ITPR1: variants seen among roughly 807,000 people sequenced by gnomAD.
ITPR1 encodes inositol 1,4,5-trisphosphate receptor type 1.
Under a neutral mutation model 318.4 loss-of-function variants are expected in ITPR1, and 96 were observed. The observed-to-expected ratio is 0.30, with a 90% CI of 0.26 to 0.36. ITPR1 has a LOEUF of 0.36. ITPR1 is among the 10% of genes least tolerant of loss of function. The pLI, the probability that ITPR1 is intolerant of heterozygous loss-of-function variation, is 1.00. For missense variants in ITPR1, 2,440 were observed against 3,460.2 expected (o/e 0.71, Z 7.40); for synonymous variants, 1,312 against 1,289.9 (o/e 1.02, Z -0.37).
chr3:4,772,779 G>T (rs2046264244), intron 46 of ITPR1, among the ~76,000 whole-genome samples: 1 of 152,252 alleles, frequency 6.6e-6, no homozygotes, highest in African/African-American at 2.4e-5. Context: ...GTGCCTCGTA[G>T]TGAGTGGTGT....
At chr3:4,814,374 C>T in intron 57 of ITPR1, 49 bp from the exon 58 acceptor site, 1 of 1,606,076 alleles carries the variant, frequency 6.2e-7, no homozygotes, top group South Asian at 1.1e-5. Flanking sequence ...ATCCCGGTCT[C>T]TCTTTTCTCC....
Position 4,725,534 on chromosome 3 carries a change from A to G in ITPR1, c.5137-12A>G. On this transcript the variant is annotated splice_polypyrimidine_tract_variant and intron_variant, in intron 40 of 61. Transcript: ENST00000649015. ...TGCCATGACTAACGTACTTCGTTTT[A>G]CTCCCAATTAGCTTCCTCCAGCTCC... The G allele has an allele frequency of 6.3e-7, 1 of 1,597,214 alleles. No individual in the cohort carries two copies. Among genetic ancestry groups the G allele is most frequent in the Non-Finnish European group, 8.5e-7 (1 of 1,178,696 alleles).
intron 4 of ITPR1, among the ~76,000 whole-genome samples, chr3:4,526,341 C>T (rs893750779): frequency 6.6e-6 from 1 of 152,204 alleles, no homozygotes; most frequent in African/African-American, 2.4e-5. Context: ...ATCAGACAGA[C>T]TGAATATGTG....
rs1268024981 is a variant in ITPR1 at position 4,650,636 on chromosome 3, TGTGTGTGTGCGC to T, written c.856-1485_856-1474del. ...GTGTGTGTGTGTGTGTGTGTGTGTGTGTGTGTGTGCGCGCGTCTGTCTGTGTCTGTGTGTTTA... is the reference window on the plus strand; with the variant it reads ...GTGTGTGTGTGTGTGTGTGTGTGTGTGCGTCTGTCTGTGTCTGTGTGTTTA... On this transcript the variant is annotated intron_variant, in intron 10 of 61. Transcript: ENST00000649015. Among the ~76,000 whole-genome samples the T allele has an allele frequency of 3.8e-3, 531 of 140,632 alleles. 6 individuals carry two copies. Among genetic ancestry groups the T allele is most frequent in the African/African-American group, 0.013 (451 of 35,074 alleles). The allele number at this position is 140,632 out of a possible 152,430, so 92.3% of individuals were successfully genotyped here.
In ITPR1 at chr3:4,816,007, C is replaced by T. The variant is rs900164631; in HGVS notation, c.7867+789C>T. On this transcript the variant is annotated intron_variant, in intron 59 of 61. Coordinates refer to ENST00000649015, the MANE Select transcript of ITPR1 (RefSeq NM_001378452.1). ...TTATACACACACACACACACACACA[C>T]ACACACACATTTTCTAATGTGAGTG... 2.6e-5 allele frequency among the ~76,000 whole-genome samples: 4 copies of T among 151,850 alleles called. No homozygotes were observed. The South Asian group carries it at 6.2e-4, about 24-fold the overall frequency.
chr3:4,827,668 G>T (rs2050165825), intron 60 of ITPR1, among the ~76,000 whole-genome samples: 1 of 152,158 alleles, frequency 6.6e-6, no homozygotes, highest in Admixed American at 6.5e-5. Flanking sequence ...GCCCTTTGTA[G>T]GGTCTAAGAT....
At chr3:4,763,240 C>T (rs1187039071) in intron 44 of ITPR1, among the ~76,000 whole-genome samples, 1 of 152,118 alleles carries the variant, frequency 6.6e-6, no homozygotes, top group Non-Finnish European at 1.5e-5. Context: ...GGAAAAAGAG[C>T]TAATGCATGC....
chr3:4,676,645 G>A lies in ITPR1; in HGVS notation c.2811G>A (p.Val937=). ...SSNVMRSIHG[V]GELMTQVVLR... ...ACGTGATGAGATCTATTCATGGCGTGGGAGAGCTGATGACCCAGGTGGTGC... is the reference window on the plus strand; with the variant it reads ...ACGTGATGAGATCTATTCATGGCGTAGGAGAGCTGATGACCCAGGTGGTGC... Residue 937 remains valine, a synonymous_variant, in exon 24 of 62, where the codon GTG becomes GTA. Transcript: ENST00000649015. 6.2e-7 allele frequency: 1 copy of A among 1,613,742 alleles called. No homozygotes were observed. The highest frequency in any genetic ancestry group is 8.5e-7 in the Non-Finnish European group (1 of 1,179,756).
intron 44 of ITPR1, among the ~76,000 whole-genome samples, chr3:4,753,776 G>A (rs984631532): frequency 2.6e-5 from 4 of 152,242 alleles, no homozygotes; most frequent in Admixed American, 6.5e-5. Flanking sequence ...TGTGTGGAGA[G>A]CAGCGAAGGG....
intron 4 of ITPR1, among the ~76,000 whole-genome samples, chr3:4,626,047 G>A (rs1378306546): frequency 1.3e-5 from 2 of 152,110 alleles, no homozygotes; most frequent in African/African-American, 4.8e-5. Context: ...GCTGAGGCAG[G>A]AGGATGGCTT....
In ITPR1 at chr3:4,803,471, G is replaced by T. The variant is rs1253506592; in HGVS notation, c.7108-2632G>T. On this transcript the variant is annotated intron_variant, in intron 54 of 61. Transcript: ENST00000649015. ...AGATTTAGTTTTTCAGGGTGAAAAT[G>T]CATTTACATCGTTGACCTACTGGGC... Among the ~76,000 whole-genome samples, 4 of 152,218 alleles carry T rather than the reference G, an allele frequency of 2.6e-5. No homozygotes were observed. In the East Asian group the frequency reaches 7.7e-4, roughly 29 times the overall value.
intron 4 of ITPR1, among the ~76,000 whole-genome samples, chr3:4,551,233 C>A (rs1362176868): frequency 6.6e-6 from 1 of 152,028 alleles, no homozygotes. Flanking sequence ...GTAACAACAA[C>A]AAAAAAGACC....
intron 41 of ITPR1, among the ~76,000 whole-genome samples, chr3:4,725,871 C>T (rs1011443750): frequency 1.3e-5 from 2 of 152,164 alleles, no homozygotes; most frequent in African/African-American, 4.8e-5. Context: ...TTAGCTGAGA[C>T]ATGTGAGGAT....
chr3:4,791,941 T>C (rs1298942501), intron 52 of ITPR1, among the ~76,000 whole-genome samples: 1 of 152,216 alleles, frequency 6.6e-6, no homozygotes, highest in Non-Finnish European at 1.5e-5. Flanking sequence ...CAACATACGT[T>C]GATTATCTTA....
At chr3:4,808,736 G>A (rs2048745541) in intron 55 of ITPR1, among the ~76,000 whole-genome samples, 1 of 152,220 alleles carries the variant, frequency 6.6e-6, no homozygotes, top group Non-Finnish European at 1.5e-5. Context: ...AAATCGGGCT[G>A]CCTGTAAAAG....
chr3:4,825,057 A>G (rs1394465165), intron 60 of ITPR1, among the ~76,000 whole-genome samples: 1 of 152,168 alleles, frequency 6.6e-6, no homozygotes, highest in African/African-American at 2.4e-5. Context: ...CACCCAGGTG[A>G]CTCATCTGAA....
chr3:4,602,923 A>G (rs1034844711), intron 4 of ITPR1, among the ~76,000 whole-genome samples: 4 of 152,122 alleles, frequency 2.6e-5, no homozygotes, highest in Non-Finnish European at 5.9e-5. Context: ...GGAATTCGAT[A>G]GTGGTGGTGG....
At chr3:4,572,553 AATAG>A in intron 4 of ITPR1, among the ~76,000 whole-genome samples, 1 of 152,230 alleles carries the variant, frequency 6.6e-6, no homozygotes, top group Non-Finnish European at 1.5e-5. Context: ...TCACAAGCAT[AATAG>A]ATAATGTGAG....
At chr3:4,608,212 A>C (rs2091839055) in intron 4 of ITPR1, among the ~76,000 whole-genome samples, 1 of 152,086 alleles carries the variant, frequency 6.6e-6, no homozygotes, top group Non-Finnish European at 1.5e-5. Flanking sequence ...TTTACTCCGA[A>C]GTTTGATTTA....
Sources: gnomAD v4.1 joint callset for allele counts (sites outside exome capture counted in the v4.1 genomes callset) on GRCh38, gnomAD v4.1.1 for gene constraint, MANE v1.5 for transcripts, NCBI Gene and HGNC (gene_info 2026-07-23, HGNC 2026-07-21) for gene names.